The following RNF175 variants were observed in gnomAD, a reference collection of about 807,000 sequenced individuals.
RNF175 encodes ring finger protein 175.
RNF175 carries 38 observed loss-of-function variants against 50.0 expected under a neutral mutation model. That is an observed-to-expected ratio of 0.76 (90% CI 0.59 to 1.00). The LOEUF (loss-of-function observed/expected upper bound fraction) is 1.00, where lower values mean the gene tolerates loss of function less well. Among genes scored for constraint, RNF175 ranks in the 50% least tolerant of loss-of-function variants. The pLI, the probability that RNF175 is intolerant of heterozygous loss-of-function variation, is 0.00. For synonymous variants in RNF175, 155 were observed against 146.1 expected, an observed-to-expected ratio of 1.06 and a Z score of -0.44; for missense variants, 388 against 409.6, an observed-to-expected ratio of 0.95 and a Z score of 0.46.
At chr4:153,759,665 G>T in intron 1 of RNF175, 132 bp downstream of exon 1, 1 of 552,596 alleles carries the variant, frequency 1.8e-6, no homozygotes, top group Non-Finnish European at 3.0e-6. Flanking sequence ...CCGTCCCCAC[G>T]TCTTTCCAGG....
chr4:153,735,071 A>G (rs1739282351), intron 3 of RNF175, among the ~76,000 whole-genome samples: 2 of 152,078 alleles, frequency 1.3e-5, no homozygotes, highest in Non-Finnish European at 2.9e-5. Context: ...TTTTGGTACC[A>G]TATCTAAAAA....
At chr4:153,711,709 A>G (rs541246567) in intron 8 of RNF175, among the ~76,000 whole-genome samples, 2 of 152,314 alleles carry the variant, frequency 1.3e-5, no homozygotes, top group South Asian at 4.1e-4. Flanking sequence ...TTCCATTCCC[A>G]CCCTGCTTCC....
At chr4:153,755,531 C>T (rs2127168283) in intron 1 of RNF175, among the ~76,000 whole-genome samples, 1 of 151,074 alleles carries the variant, frequency 6.6e-6, no homozygotes, top group South Asian at 2.1e-4. Context: ...AATAAAAACT[C>T]AAATGAAGAA....
chr4:153,748,096 T>G (rs555196620), intron 3 of RNF175, among the ~76,000 whole-genome samples: 4 of 152,336 alleles, frequency 2.6e-5, no homozygotes, highest in Admixed American at 1.3e-4. Context: ...GCAGAGCCCT[T>G]ATGGCCAAAT....
At chr4:153,754,373 C>G (rs911168179) in intron 1 of RNF175, among the ~76,000 whole-genome samples, 8 of 152,100 alleles carry the variant, frequency 5.3e-5, no homozygotes, top group African/African-American at 1.9e-4. Flanking sequence ...GCTGACCAGG[C>G]TCCTCAATTA....
intron 3 of RNF175, among the ~76,000 whole-genome samples, chr4:153,730,468 T>G (rs960017536): frequency 6.6e-6 from 1 of 152,110 alleles, no homozygotes; most frequent in Non-Finnish European, 1.5e-5. Flanking sequence ...AAAAATCTTA[T>G]CAGCATATTG....
chr4:153,715,371 G>A (rs975619208), intron 7 of RNF175, 158 bp downstream of exon 7: 2 of 729,292 alleles, frequency 2.7e-6, no homozygotes, highest in Non-Finnish European at 4.9e-6. Flanking sequence ...ATTCAGCAGG[G>A]ACAAACAGGA....
At chr4:153,718,044 T>A (rs1738057125) in intron 6 of RNF175, among the ~76,000 whole-genome samples, 1 of 152,054 alleles carries the variant, frequency 6.6e-6, no homozygotes, top group Non-Finnish European at 1.5e-5. Flanking sequence ...TTGGCAACCA[T>A]GGATCTGTTT....
At position 153,748,768 on chromosome 4, in the gene RNF175, C is replaced by T; in HGVS notation, c.123G>A (p.Met41Ile). ...EDTWNLQQER[M>I]YKMHRGHDSM... The stretch of plus-strand genomic sequence containing the variant: ...AATCGTGGCCCCGGTGCATCTTGTA[C>T]ATCCTCTCCTGCTGCAGGCTGGAAC... Residue 41 changes from methionine (M) to isoleucine (I), a missense_variant, in exon 3 of 9, where the codon ATG (methionine) becomes ATA (isoleucine). Coordinates refer to ENST00000347063, the MANE Select transcript of RNF175 (RefSeq NM_173662.4). 1 of 1,612,468 alleles carries T rather than the reference C, an allele frequency of 6.2e-7. No individual in the cohort carries two copies. Among genetic ancestry groups the T allele is most frequent in the Non-Finnish European group, 8.5e-7 (1 of 1,179,292 alleles).
intron 3 of RNF175, among the ~76,000 whole-genome samples, chr4:153,741,075 C>T (rs6827685): frequency 0.19 from 29,449 of 152,114 alleles, 3,416 homozygotes; most frequent in Middle Eastern, 0.28. Flanking sequence ...GGTGGCAGGG[C>T]GTAAGGATAG....
intron 1 of RNF175, among the ~76,000 whole-genome samples, chr4:153,753,623 T>A (rs1322869759): frequency 6.6e-6 from 1 of 151,650 alleles, no homozygotes; most frequent in African/African-American, 2.4e-5. Flanking sequence ...AATGGTGCGA[T>A]CTCAGCTCAC....
intron 7 of RNF175, 178 bp downstream of exon 7, chr4:153,715,351 G>A (rs1737836819): frequency 1.5e-6 from 1 of 684,994 alleles, no homozygotes; most frequent in Admixed American, 2.1e-5. Flanking sequence ...ACCTTAATTA[G>A]CAGTTCATTA....
intron 3 of RNF175, among the ~76,000 whole-genome samples, chr4:153,741,978 T>C (rs1739682725): frequency 1.3e-5 from 2 of 152,118 alleles, no homozygotes; most frequent in African/African-American, 4.8e-5. Flanking sequence ...AGAAAAAGCA[T>C]GAGACTGAAT....
chr4:153,748,843 AAAAAAAC>A (rs374019423), intron 2 of RNF175, 57 bp from the exon 3 acceptor site: 185 of 1,487,212 alleles, frequency 1.2e-4, no homozygotes, highest in African/African-American at 3.4e-4. Flanking sequence ...GCATTTAGCA[AAAAAAAC>A]AAAAAACAAA....
intron 1 of RNF175, among the ~76,000 whole-genome samples, chr4:153,757,963 T>C (rs1030522319): frequency 1.3e-5 from 2 of 152,184 alleles, no homozygotes; most frequent in Non-Finnish European, 2.9e-5. Flanking sequence ...ATTGAGGCCC[T>C]GCCGTTTGCT....
intron 5 of RNF175, 21 bp from the exon 6 acceptor site, chr4:153,720,325 A>C (rs1192725771): frequency 6.2e-7 from 1 of 1,609,734 alleles, no homozygotes; most frequent in South Asian, 1.1e-5. Flanking sequence ...CAACAGTATA[A>C]GGAAATAAGA....
chr4:153,740,985 A>G (rs1292518919), intron 3 of RNF175, among the ~76,000 whole-genome samples: 1 of 152,178 alleles, frequency 6.6e-6, no homozygotes, highest in East Asian at 1.9e-4. Flanking sequence ...TTCCCTAAAC[A>G]TTCCTTCTTA....
intron 3 of RNF175, among the ~76,000 whole-genome samples, chr4:153,734,874 C>A (rs12504221): frequency 0.45 from 67,402 of 151,250 alleles, 15,467 homozygotes; most frequent in Admixed American, 0.51. Flanking sequence ...GACGGGGTTT[C>A]ATCGTGTTAG....
At chr4:153,715,755 G>T in intron 6 of RNF175, 93 bp from the exon 7 acceptor site, 1 of 1,350,308 alleles carries the variant, frequency 7.4e-7, no homozygotes, top group Non-Finnish European at 1.0e-6. Flanking sequence ...GGGACAGGCA[G>T]CCCTTGGCAC....
Sources: allele counts gnomAD v4.1 joint callset (sites outside exome capture counted in the v4.1 genomes callset), GRCh38; gene constraint gnomAD v4.1.1; transcripts MANE v1.5; gene names NCBI Gene and HGNC (gene_info 2026-07-23, HGNC 2026-07-21).